Variants in GPALPP1 observed in about 807,000 individuals in gnomAD.
GPALPP1 encodes the protein GPALPP motifs-containing protein 1.
A neutral mutation model predicts 38.9 loss-of-function variants in GPALPP1; 30 were observed. The ratio of observed to expected loss-of-function variants is 0.77; its 90% CI spans 0.58 to 1.05. The LOEUF is 1.05. GPALPP1 is among the 50% of genes least tolerant of loss of function. The probability of loss-of-function intolerance (pLI) is 0.00; values close to 1 mark genes in which losing one functional copy is unlikely to be tolerated. For missense variants in GPALPP1, 384 were observed against 408.8 expected, an observed-to-expected ratio of 0.94 and a Z score of 0.52; for synonymous variants, 120 against 139.2, an observed-to-expected ratio of 0.86 and a Z score of 0.97.
intron 3 of GPALPP1, among the ~76,000 whole-genome samples, chr13:45,006,937 C>G (rs139305240): frequency 6.6e-6 from 1 of 151,824 alleles, no homozygotes; most frequent in African/African-American, 2.4e-5. Flanking sequence ...AATATAAGAT[C>G]GCACATCAAA....
chr13:45,034,637 A>T (rs2138030898), downstream of GPALPP1: 1 of 151,852 alleles, frequency 6.6e-6, no homozygotes, highest in South Asian at 2.1e-4. Context: ...GTGTCTACTG[A>T]TACTATGAAG....
At chr13:45,001,717 T>A (rs1302284435) in intron 1 of GPALPP1, 2 of 152,244 alleles carry the variant, frequency 1.3e-5, no homozygotes, top group African/African-American at 4.8e-5. Flanking sequence ...AGTCTTGCTC[T>A]GTCGCACAGG....
intron 7 of GPALPP1, among the ~76,000 whole-genome samples, chr13:45,024,147 CTGTGTG>C (rs58048658): frequency 0.032 from 746 of 23,338 alleles, 60 homozygotes; most frequent in African/African-American, 0.071. Flanking sequence ...CCCTAAAACT[CTGTGTG>C]TGTGTGTGTG....
intron 1 of GPALPP1, among the ~76,000 whole-genome samples, chr13:44,996,810 CCAG>C (rs1873323610): frequency 6.9e-4 from 60 of 86,414 alleles, no homozygotes; most frequent in Non-Finnish European, 8.0e-4. Flanking sequence ...TTTTTTTTTT[CCAG>C]TTTTTAAAAA....
chr13:45,015,568 C>A lies in GPALPP1; in HGVS notation c.677C>A (p.Thr226Asn). 6.4e-7 allele frequency: 1 copy of A among 1,563,630 alleles called. No homozygotes were observed. The highest frequency in any genetic ancestry group is 8.6e-7 in the Non-Finnish European group (1 of 1,156,600). ...GGAGATCGATCAATCTGGACAGATACTCCAGCTGATAGGGAAAGGAAAGCT... is the reference window on the plus strand; with the variant it reads ...GGAGATCGATCAATCTGGACAGATAATCCAGCTGATAGGGAAAGGAAAGCT... ...TSGDRSIWTD[T>N]PADRERKAKE... The change falls in exon 6 of 8, where the codon ACT (threonine) becomes AAT (asparagine). Residue 226 changes from threonine (T) to asparagine (N), a missense_variant. Transcript: ENST00000379151.
intron 6 of GPALPP1, among the ~76,000 whole-genome samples, chr13:45,016,965 C>T (rs1260657950): frequency 6.6e-6 from 1 of 152,206 alleles, no homozygotes; most frequent in African/African-American, 2.4e-5. Context: ...GTAAGACATC[C>T]CATTCAATTC....
chr13:45,024,958 G>T (rs1440175419), intron 7 of GPALPP1, among the ~76,000 whole-genome samples: 2 of 152,056 alleles, frequency 1.3e-5, no homozygotes, highest in African/African-American at 2.4e-5. Context: ...TTTAGTGAAA[G>T]ACTTTTTTTC....
chr13:45,023,276 A>G (rs943075161), intron 7 of GPALPP1, among the ~76,000 whole-genome samples: 1 of 151,310 alleles, frequency 6.6e-6, no homozygotes, highest in Non-Finnish European at 1.5e-5. Context: ...GTGTGTCACA[A>G]TATGCAAATT....
At chr13:45,035,941 G>A (rs1021732370) in exon 8 of GPALPP1, 1 of 152,198 alleles carries the variant, frequency 6.6e-6, no homozygotes, top group African/African-American at 2.4e-5. Flanking sequence ...AAGGTGGGAG[G>A]ATTGCTTGAG....
chr13:45,019,077 A>G (rs1182572828), intron 6 of GPALPP1, among the ~76,000 whole-genome samples: 4 of 131,960 alleles, frequency 3.0e-5, no homozygotes, highest in African/African-American at 1.1e-4. Flanking sequence ...AAATATATAC[A>G]TATAAATATA....
At chr13:44,996,504 T>A (rs1469467063) in intron 1 of GPALPP1, among the ~76,000 whole-genome samples, 3 of 132,706 alleles carry the variant, frequency 2.3e-5, no homozygotes, top group African/African-American at 7.6e-5. Context: ...TTTTTTTTTT[T>A]AAACAGCATC....
chr13:45,019,594 C>G (rs1875238461), intron 6 of GPALPP1, among the ~76,000 whole-genome samples: 1 of 149,264 alleles, frequency 6.7e-6, no homozygotes, highest in Non-Finnish European at 1.5e-5. Flanking sequence ...TGTGAATAAA[C>G]ACAATTTTTC....
chr13:45,020,512 G>A (rs893139516), intron 7 of GPALPP1, 84 bp downstream of exon 7: 1 of 692,462 alleles, frequency 1.4e-6, no homozygotes, highest in Admixed American at 2.3e-5. Context: ...GAGGCAGGAG[G>A]ATCACTTGAG....
chr13:44,995,202 A>ACACACACACACACACC (rs755761092), intron 1 of GPALPP1, among the ~76,000 whole-genome samples: 4 of 54,558 alleles, frequency 7.3e-5, no homozygotes, highest in East Asian at 4.3e-3. Context: ...ACACACACAC[A>ACACACACACACACACC]CCCCTTCTCT....
chr13:45,012,406 G>A (rs1226006240), intron 4 of GPALPP1, among the ~76,000 whole-genome samples: 1 of 152,104 alleles, frequency 6.6e-6, no homozygotes, highest in Non-Finnish European at 1.5e-5. Context: ...AAATGAATGT[G>A]TTAAAATGTA....
chr13:45,019,502 G>T (rs1188577532), intron 6 of GPALPP1, among the ~76,000 whole-genome samples: 1 of 151,800 alleles, frequency 6.6e-6, no homozygotes, highest in African/African-American at 2.4e-5. Flanking sequence ...TGCTATACTT[G>T]CTTAGTAGTT....
downstream of GPALPP1, chr13:45,031,957 A>C (rs147603468): frequency 2.0e-4 from 31 of 152,344 alleles, no homozygotes; most frequent in African/African-American, 6.7e-4. Context: ...AGCAACACTA[A>C]GTTAATATAA....
At chr13:45,007,094 T>A (rs1252686797) in intron 3 of GPALPP1, among the ~76,000 whole-genome samples, 1 of 152,036 alleles carries the variant, frequency 6.6e-6, no homozygotes, top group African/African-American at 2.4e-5. Context: ...ATAGGCAATC[T>A]ACAGTCCCCA....
intron 1 of GPALPP1, among the ~76,000 whole-genome samples, chr13:44,997,803 T>C (rs1022942675): frequency 3.9e-5 from 6 of 152,156 alleles, no homozygotes; most frequent in African/African-American, 1.4e-4. Flanking sequence ...AACTGCTTTA[T>C]CCCATTGGGT....
Sources: allele counts gnomAD v4.1 joint callset (sites outside exome capture counted in the v4.1 genomes callset), GRCh38; gene constraint gnomAD v4.1.1; transcripts MANE v1.5; gene names NCBI Gene and HGNC (gene_info 2026-07-23, HGNC 2026-07-21).